CSPP1: variants seen among roughly 807,000 people sequenced by gnomAD.
The protein encoded by CSPP1 is centrosome and spindle pole associated protein 1, also known as centrosome and spindle pole-associated protein 1.
Under a neutral mutation model 164.4 loss-of-function variants are expected in CSPP1, and 126 were observed. The ratio of observed to expected loss-of-function variants is 0.77; its 90% CI spans 0.66 to 0.89. The LOEUF (loss-of-function observed/expected upper bound fraction) is 0.89, where lower values mean the gene tolerates loss of function less well. Among genes scored for constraint, CSPP1 ranks in the 40% least tolerant of loss-of-function variants. CSPP1 has a pLI of 0.00. For missense variants in CSPP1, 1,395 were observed against 1,449.8 expected (o/e 0.96, Z 0.61); for synonymous variants, 472 against 476.7 (o/e 0.99, Z 0.13).
chr8:67,187,860 C>G (rs75420914), intron 28 of CSPP1, among the ~76,000 whole-genome samples: 1 of 152,158 alleles, frequency 6.6e-6, no homozygotes, highest in Admixed American at 6.5e-5. Context: ...ATAGATCTTA[C>G]GCCCTTCACA....
intron 8 of CSPP1, among the ~76,000 whole-genome samples, chr8:67,105,023 ATTT>A (rs1292683720): frequency 1.3e-4 from 3 of 23,292 alleles, no homozygotes; most frequent in Non-Finnish European, 9.4e-5. Context: ...ATGAAAAAGG[ATTT>A]TTTTTTTTTT....
At chr8:67,164,614 A>C in intron 24 of CSPP1, 106 bp downstream of exon 24, 1 of 568,926 alleles carries the variant, frequency 1.8e-6, no homozygotes, top group Non-Finnish European at 3.2e-6. Flanking sequence ...TCTTACTTAA[A>C]ATCTCCTTAC....
At chr8:67,134,338 A>T (rs1821803559) in intron 16 of CSPP1, 1 of 152,220 alleles carries the variant, frequency 6.6e-6, no homozygotes. Flanking sequence ...AGCAAGCATG[A>T]CAACAACATT....
intron 28 of CSPP1, among the ~76,000 whole-genome samples, chr8:67,185,911 A>G (rs1834449412): frequency 6.6e-6 from 1 of 152,186 alleles, no homozygotes; most frequent in Non-Finnish European, 1.5e-5. Flanking sequence ...AAAAAACAGG[A>G]AAAAACTCCT....
At chr8:67,169,691 C>T (rs554966170) in intron 24 of CSPP1, among the ~76,000 whole-genome samples, 8 of 152,076 alleles carry the variant, frequency 5.3e-5, no homozygotes, top group Non-Finnish European at 8.8e-5. Context: ...CCACCCGCCT[C>T]GGCCTCCCAA....
intron 17 of CSPP1, among the ~76,000 whole-genome samples, chr8:67,140,546 T>G (rs1823296720): frequency 6.6e-6 from 1 of 152,270 alleles, no homozygotes; most frequent in South Asian, 2.1e-4. Flanking sequence ...ATTTCTTATT[T>G]TAATAGGTAA....
At chr8:67,185,596 G>A (rs1313302453) in intron 28 of CSPP1, among the ~76,000 whole-genome samples, 2 of 152,204 alleles carry the variant, frequency 1.3e-5, no homozygotes, top group Non-Finnish European at 2.9e-5. Context: ...ACAGCAATTA[G>A]TAGCTGTGGA....
intron 16 of CSPP1, chr8:67,135,978 A>G (rs1822173832): frequency 6.6e-6 from 1 of 152,188 alleles, no homozygotes; most frequent in African/African-American, 2.4e-5. Flanking sequence ...AAGAGAGGGA[A>G]AGAGACAGGG....
chr8:67,189,834 C>A (rs1835719211), intron 28 of CSPP1, among the ~76,000 whole-genome samples: 1 of 152,114 alleles, frequency 6.6e-6, no homozygotes, highest in Non-Finnish European at 1.5e-5. Flanking sequence ...TCTAACTTTT[C>A]TTTAGGTATA....
chr8:67,175,550 C>A, intron 26 of CSPP1, 114 bp downstream of exon 26: 1 of 1,261,286 alleles, frequency 7.9e-7, no homozygotes, highest in Non-Finnish European at 1.1e-6. Context: ...CTGGCAGCCC[C>A]ATGCTCACAG....
At chr8:67,147,577 T>C (rs1824844247) in intron 17 of CSPP1, among the ~76,000 whole-genome samples, 1 of 152,102 alleles carries the variant, frequency 6.6e-6, no homozygotes, top group Non-Finnish European at 1.5e-5. Context: ...CCATGCCACA[T>C]TGTCAACAAA....
rs566476869 is a variant in CSPP1, at chr8:67,100,806, A to T, written c.924-2231A>T. On this transcript the variant is annotated intron_variant, in intron 7 of 30. Coordinates refer to ENST00000678616, the MANE Select transcript of CSPP1 (RefSeq NM_001382391.1). ...ATTAAAGAATATATATATATATATA[A>T]ATAAAGATTATTTTTATATGTAATT... Among the ~76,000 whole-genome samples the T allele has an allele frequency of 7.8e-4, 116 of 148,406 alleles. 1 individual carries two copies. The highest frequency in any genetic ancestry group is 2.4e-3 in the African/African-American group (96 of 40,542).
At position 67,158,444 on chromosome 8, in the gene CSPP1, T is replaced by C; in HGVS notation, c.2242-3T>C. 6.3e-7 allele frequency: 1 copy of C among 1,580,338 alleles called. No individual in the cohort carries two copies. Among genetic ancestry groups the C allele is most frequent in the Non-Finnish European group, 8.6e-7 (1 of 1,163,780 alleles). ...AGATAAATAACTAAGTTTAATTCTT[T>C]AGATTGAGGAAAAGAAACAAAGAGA... On this transcript the variant is annotated splice_polypyrimidine_tract_variant and splice_region_variant and intron_variant, in intron 19 of 30. Coordinates refer to ENST00000678616, the MANE Select transcript of CSPP1 (RefSeq NM_001382391.1).
intron 7 of CSPP1, among the ~76,000 whole-genome samples, chr8:67,101,198 C>T (rs1439006803): frequency 2.0e-5 from 3 of 152,166 alleles, no homozygotes; most frequent in Non-Finnish European, 4.4e-5. Context: ...GGGATGGTTA[C>T]GTAGGCACCC....
intron 17 of CSPP1, among the ~76,000 whole-genome samples, chr8:67,145,383 T>G (rs1824315376): frequency 6.6e-6 from 1 of 152,194 alleles, no homozygotes; most frequent in African/African-American, 2.4e-5. Context: ...TATGGATCTT[T>G]TCATAGAATC....
chr8:67,143,809 G>C (rs538172942), intron 17 of CSPP1, among the ~76,000 whole-genome samples: 1 of 152,232 alleles, frequency 6.6e-6, no homozygotes, highest in African/African-American at 2.4e-5. Flanking sequence ...AGTCTGTGTG[G>C]TTGCTAAACT....
rs370562285 is a variant in CSPP1, at chr8:67,086,130, A to G, written c.303+20A>G. The G allele has an allele frequency of 9.7e-7, 1 of 1,034,214 alleles. No homozygotes were observed. Among genetic ancestry groups the G allele is most frequent in the Non-Finnish European group, 1.5e-6 (1 of 650,326 alleles). The allele number at this position is 1,034,214 out of a possible 1,614,324, so 64.1% of individuals were successfully genotyped here. On this transcript the variant is annotated intron_variant, in intron 4 of 30. Coordinates refer to ENST00000678616, the MANE Select transcript of CSPP1 (RefSeq NM_001382391.1). ...ACTCAGGTAATGAGTTCTATTAATG[A>G]GTTGGGTTTAATGTTTCAGAATTCA... is the stretch of plus-strand genomic sequence containing the variant.
intron 24 of CSPP1, 132 bp downstream of exon 24, chr8:67,164,640 C>T (rs1435046042): frequency 1.9e-6 from 1 of 530,512 alleles, no homozygotes; most frequent in Non-Finnish European, 3.4e-6. Flanking sequence ...TTTTCTTTGT[C>T]TTTTACAAAA....
intron 30 of CSPP1, 106 bp from the exon 31 acceptor site, chr8:67,195,276 G>C (rs1837679140): frequency 9.0e-6 from 7 of 774,968 alleles, no homozygotes; most frequent in Non-Finnish European, 1.4e-5. Context: ...ATATGAGACT[G>C]TGGGGAAATG....
Sources: allele counts gnomAD v4.1 joint callset (sites outside exome capture counted in the v4.1 genomes callset), GRCh38; gene constraint gnomAD v4.1.1; transcripts MANE v1.5; gene names NCBI Gene and HGNC (gene_info 2026-07-23, HGNC 2026-07-21).